The following PHACTR3 variants were observed in gnomAD, a reference collection of about 807,000 sequenced individuals.
The protein encoded by PHACTR3 is phosphatase and actin regulator 3.
In PHACTR3, 16 loss-of-function variants were observed where a neutral mutation model predicts 66.8. The ratio of observed to expected loss-of-function variants is 0.24; its 90% CI spans 0.16 to 0.36. The LOEUF (loss-of-function observed/expected upper bound fraction) is 0.36. Ranked by LOEUF, PHACTR3 falls within the 10% of genes least tolerant of loss-of-function variation. PHACTR3 has a pLI of 1.00. For synonymous variants in PHACTR3, 323 were observed against 292.1 expected (o/e 1.11, Z -1.08); for missense variants, 647 against 719.9 (o/e 0.90, Z 1.16).
intron 1 of PHACTR3, among the ~76,000 whole-genome samples, chr20:59,710,519 C>G (rs2037876834): frequency 6.6e-6 from 1 of 152,132 alleles, no homozygotes; most frequent in Non-Finnish European, 1.5e-5. Flanking sequence ...AAAAGGCAGG[C>G]ACACACTTTC....
intron 1 of PHACTR3, among the ~76,000 whole-genome samples, chr20:59,667,190 A>T (rs2036020947): frequency 6.6e-6 from 1 of 152,184 alleles, no homozygotes; most frequent in African/African-American, 2.4e-5. Flanking sequence ...TAATGGTGAG[A>T]TGAGGTGATC....
chr20:59,841,771 C>G (rs1465505038), intron 11 of PHACTR3, among the ~76,000 whole-genome samples: 4 of 152,150 alleles, frequency 2.6e-5, no homozygotes, highest in Non-Finnish European at 4.4e-5. Context: ...TTGATTGTCA[C>G]AACTCGGGAT....
At chr20:59,719,991 G>A (rs571503175) in intron 1 of PHACTR3, among the ~76,000 whole-genome samples, 1 of 152,154 alleles carries the variant, frequency 6.6e-6, no homozygotes, top group Non-Finnish European at 1.5e-5. Flanking sequence ...TATTGTAGAT[G>A]CCAGAAAGTG....
intron 7 of PHACTR3, among the ~76,000 whole-genome samples, chr20:59,793,089 A>G (rs1003959665): frequency 6.6e-6 from 1 of 151,792 alleles, no homozygotes; most frequent in Non-Finnish European, 1.5e-5. Flanking sequence ...AGGTCTCACT[A>G]TGTTTTCCAG....
At chr20:59,591,561 T>A (rs1239449045) in intron 1 of PHACTR3, among the ~76,000 whole-genome samples, 1 of 152,148 alleles carries the variant, frequency 6.6e-6, no homozygotes, top group Non-Finnish European at 1.5e-5. Context: ...CTCCTCATCA[T>A]GGGGGCCAGG....
intron 1 of PHACTR3, among the ~76,000 whole-genome samples, chr20:59,673,425 G>C (rs986075356): frequency 1.3e-5 from 2 of 152,214 alleles, no homozygotes; most frequent in Non-Finnish European, 2.9e-5. Context: ...GCAATGTGGC[G>C]CTAAGCGGGG....
At chr20:59,622,932 A>G (rs2034296889) in intron 1 of PHACTR3, among the ~76,000 whole-genome samples, 1 of 143,058 alleles carries the variant, frequency 7.0e-6, no homozygotes, top group Non-Finnish European at 1.5e-5. Context: ...TGTGAAATGT[A>G]TTTCAAGGAG....
chr20:59,747,796 G>C lies in PHACTR3; in HGVS notation c.319G>C (p.Glu107Gln). Residue 107 changes from glutamate to glutamine, a missense_variant, in exon 3 of 13, where the codon GAG becomes CAG. By Grantham distance (29) the Glu-to-Gln change is conservative. This residue lies in a region of PHACTR3 where 577 missense variants were observed against 571.1 expected (regional missense o/e 1.01). Coordinates refer to ENST00000371015, the MANE Select transcript of PHACTR3 (RefSeq NM_080672.5). ...GATGGCCGGCAGGCAAGGCCGAGAG[G>C]AGCTCATCAAGAAGGGGCTGCTGGA... Reference protein sequence around the residue: ...KKMAGRQGREELIKKGLLEMM... With the variant: ...KKMAGRQGREQLIKKGLLEMM... The C allele has an allele frequency of 6.2e-7, 1 of 1,614,120 alleles. No homozygotes were observed. Among genetic ancestry groups the C allele is most frequent in the Non-Finnish European group, 8.5e-7 (1 of 1,179,998 alleles).
At position 59,830,401 on chromosome 20, in the gene PHACTR3, G is replaced by A. The variant is rs1272020764; in HGVS notation, c.1329-6104G>A. ...GTCTGATGGAGAGAGCATGAGTGAT[G>A]AAGAGGGTGTGAGTGTCTGATGGAG... On this transcript the variant is annotated intron_variant, in intron 8 of 12. Coordinates refer to ENST00000371015, the MANE Select transcript of PHACTR3 (RefSeq NM_080672.5). This position sits in a 1 kb window ranked among gnomAD's most constrained non-coding sequence, Gnocchi z 5.8. 6.6e-6 allele frequency among the ~76,000 whole-genome samples: 1 copy of A among 152,136 alleles called. No homozygotes were observed. Among genetic ancestry groups the A allele is most frequent in the African/African-American group, 2.4e-5 (1 of 41,432 alleles).
chr20:59,766,160 G>A (rs2040174089), intron 4 of PHACTR3, among the ~76,000 whole-genome samples: 2 of 152,192 alleles, frequency 1.3e-5, no homozygotes, highest in African/African-American at 4.8e-5. Flanking sequence ...CTGTGTGGTG[G>A]GAGCAGGCAA....
rs150293972 is a variant in PHACTR3, at chr20:59,807,322, C to T, written c.1328+1128C>T. Among the ~76,000 whole-genome samples, 23 of 152,270 alleles carry T rather than the reference C, an allele frequency of 1.5e-4. No individual in the cohort carries two copies. The East Asian group carries it at 2.9e-3, about 19-fold the overall frequency. On this transcript the variant is annotated intron_variant, in intron 8 of 12. Coordinates refer to ENST00000371015, the MANE Select transcript of PHACTR3 (RefSeq NM_080672.5). ...ATTAAAAATTAAAACACAAATGCCG[C>T]ATTAGCCTAGGCCTGCACAGGGTCA...
At chr20:59,674,011 T>A (rs1471165082) in intron 1 of PHACTR3, among the ~76,000 whole-genome samples, 2 of 152,156 alleles carry the variant, frequency 1.3e-5, no homozygotes, top group Non-Finnish European at 2.9e-5. Flanking sequence ...TCTCCAGACC[T>A]GCCTGCCCGA....
intron 8 of PHACTR3, among the ~76,000 whole-genome samples, chr20:59,813,197 A>G (rs1013753178): frequency 6.7e-6 from 1 of 149,986 alleles, no homozygotes; most frequent in Non-Finnish European, 1.5e-5. Context: ...TCCTTCATGG[A>G]TCTTACTACC....
intron 8 of PHACTR3, among the ~76,000 whole-genome samples, chr20:59,809,776 G>T (rs1380690759): frequency 6.6e-6 from 1 of 152,146 alleles, no homozygotes; most frequent in African/African-American, 2.4e-5. Context: ...CTCAGTTCAG[G>T]CGCTGTAGTG....
At chr20:59,789,763 G>A (rs2041032946) in intron 7 of PHACTR3, among the ~76,000 whole-genome samples, 2 of 152,220 alleles carry the variant, frequency 1.3e-5, no homozygotes, top group Admixed American at 6.5e-5. Context: ...ATAAAGCCAG[G>A]ACATAGGCCA....
chr20:59,614,381 G>A (rs1207045716), intron 1 of PHACTR3, among the ~76,000 whole-genome samples: 2 of 152,228 alleles, frequency 1.3e-5, no homozygotes, highest in Non-Finnish European at 2.9e-5. Context: ...CAGGCAAGGC[G>A]ATGGCAGAGA....
chr20:59,687,247 GTGA>G (rs2036935087), intron 1 of PHACTR3, among the ~76,000 whole-genome samples: 1 of 151,712 alleles, frequency 6.6e-6, no homozygotes, highest in African/African-American at 2.4e-5. Flanking sequence ...GATGGTGGTG[GTGA>G]TAGTGGTGAT....
intron 1 of PHACTR3, among the ~76,000 whole-genome samples, chr20:59,653,677 CA>C (rs1340068125): frequency 2.0e-5 from 3 of 151,786 alleles, no homozygotes; most frequent in African/African-American, 7.3e-5. Context: ...AGCAATTAAG[CA>C]ATATGTTAAT....
intron 1 of PHACTR3, among the ~76,000 whole-genome samples, chr20:59,668,169 C>T (rs751794087): frequency 1.3e-5 from 2 of 151,290 alleles, no homozygotes; most frequent in African/African-American, 2.4e-5. Flanking sequence ...TACACCTGTA[C>T]GGGGTTAGAG....
Sources: gnomAD v4.1 joint callset for allele counts (sites outside exome capture counted in the v4.1 genomes callset) on GRCh38, gnomAD v4.1.1 for gene constraint, gnomAD v4.1.1 regional missense constraint, Gnocchi (gnomAD v3.1) non-coding constraint, MANE v1.5 for transcripts, NCBI Gene and HGNC (gene_info 2026-07-23, HGNC 2026-07-21) for gene names.